Variants in TENM2 observed in about 807,000 individuals in gnomAD.
TENM2 encodes the protein teneurin transmembrane protein 2, also known as teneurin-2.
A neutral mutation model predicts 245.2 loss-of-function variants in TENM2; 52 were observed. The ratio of observed to expected loss-of-function variants is 0.21; its 90% CI spans 0.17 to 0.27. TENM2 has a LOEUF of 0.27. Ranked by LOEUF, TENM2 falls within the 10% of genes least tolerant of loss-of-function variation. The pLI, the probability that TENM2 is intolerant of heterozygous loss-of-function variation, is 1.00. For synonymous variants in TENM2, 1,363 were observed against 1,438.9 expected, an observed-to-expected ratio of 0.95 and a Z score of 1.19; for missense variants, 3,046 against 3,666.8, an observed-to-expected ratio of 0.83 and a Z score of 4.37.
At chr5:167,319,306 G>A (rs989339142) in intron 1 of TENM2, among the ~76,000 whole-genome samples, 2 of 151,974 alleles carry the variant, frequency 1.3e-5, no homozygotes, top group South Asian at 2.1e-4. Flanking sequence ...CAGGGTTTTC[G>A]TTTTTGTTTT....
At position 167,858,842 on chromosome 5, in the gene TENM2, GGACGGGCCC is replaced by G. The variant is rs1177724335; in HGVS notation, c.503-17143_503-17135del. Among the ~76,000 whole-genome samples the G allele has an allele frequency of 3.5e-5, 5 of 144,838 alleles. No homozygotes were observed. In the South Asian group the frequency reaches 1.1e-3, roughly 32 times the overall value. On this transcript the variant is annotated intron_variant, in intron 2 of 28. Transcript: ENST00000518659. ...CCCGGGAGGCAGCGGCTGGAGGAGC[GGACGGGCCC>G]CGCGGGGCCCGAGGGCAAGGAGCAG...
chr5:167,176,169 C>A, the TENM2 span, among the ~76,000 whole-genome samples: 1 of 152,206 alleles, frequency 6.6e-6, no homozygotes, highest in African/African-American at 2.4e-5. Context: ...CCTATTCTTT[C>A]AAGCTGATCT....
chr5:168,251,469 G>A (rs538850266), intron 27 of TENM2, among the ~76,000 whole-genome samples: 42 of 152,260 alleles, frequency 2.8e-4, no homozygotes, highest in Admixed American at 5.2e-4. Flanking sequence ...TCAGAGAAGC[G>A]GCGTGCACAG....
the TENM2 span, among the ~76,000 whole-genome samples, chr5:167,222,098 C>G: frequency 3.3e-5 from 5 of 152,044 alleles, no homozygotes; most frequent in African/African-American, 1.2e-4. Context: ...AAAAATTGGC[C>G]CAGCTGAAAG....
At chr5:168,144,079 G>A (rs909370147) in intron 12 of TENM2, among the ~76,000 whole-genome samples, 2 of 150,582 alleles carry the variant, frequency 1.3e-5, no homozygotes, top group East Asian at 2.0e-4. Context: ...GGCTGGTATT[G>A]AACTTCCAAC....
At chr5:168,009,984 A>G (rs1196343038) in intron 5 of TENM2, among the ~76,000 whole-genome samples, 1 of 152,166 alleles carries the variant, frequency 6.6e-6, no homozygotes, top group Non-Finnish European at 1.5e-5. Flanking sequence ...TTCAGCCCAC[A>G]AGAGAGGCAA....
chr5:167,443,945 A>T (rs1765009188), intron 2 of TENM2, among the ~76,000 whole-genome samples: 5 of 152,104 alleles, frequency 3.3e-5, no homozygotes, highest in Admixed American at 3.3e-4. Context: ...CTGTTTTTTT[A>T]TCCCAGTAAG....
chr5:167,404,496 C>G (rs1006401322), intron 2 of TENM2, among the ~76,000 whole-genome samples: 1 of 152,066 alleles, frequency 6.6e-6, no homozygotes, highest in African/African-American at 2.4e-5. Context: ...GTGTAGCCCA[C>G]TGGGGAGAGA....
At chr5:167,541,055 A>G (rs1772176003) in intron 2 of TENM2, among the ~76,000 whole-genome samples, 2 of 152,194 alleles carry the variant, frequency 1.3e-5, no homozygotes, top group African/African-American at 4.8e-5. Flanking sequence ...CATGAATAAG[A>G]TGGAAAGGGG....
upstream of TENM2, among the ~76,000 whole-genome samples, chr5:167,280,451 AGT>A: frequency 1.3e-5 from 2 of 152,222 alleles, no homozygotes; most frequent in Admixed American, 6.5e-5. Flanking sequence ...AGGGGCTGAA[AGT>A]CCTGGCTCTC....
At chr5:168,178,258 G>A (rs1277915187) in intron 13 of TENM2, among the ~76,000 whole-genome samples, 1 of 152,224 alleles carries the variant, frequency 6.6e-6, no homozygotes, top group Non-Finnish European at 1.5e-5. Context: ...GGCCTCGGCT[G>A]CACTGGCCGT....
chr5:167,762,694 C>G (rs1388027780), intron 2 of TENM2, among the ~76,000 whole-genome samples: 2 of 152,248 alleles, frequency 1.3e-5, no homozygotes, highest in African/African-American at 4.8e-5. Context: ...CTTACTCAAT[C>G]TATTATAAAG....
At chr5:168,046,675 G>A (rs1027527026) in intron 5 of TENM2, among the ~76,000 whole-genome samples, 1 of 152,098 alleles carries the variant, frequency 6.6e-6, no homozygotes, top group Non-Finnish European at 1.5e-5. Flanking sequence ...CAAAGAACAG[G>A]CAGTATTTCA....
In TENM2 at chr5:167,287,736, G is replaced by A. The variant is rs546230663; in HGVS notation, c.226+2673G>A. ...CCCATCTTTGCTTGCTTTCAACACA[G>A]AATCCTCCTCTGCCTTCTTCTATTG... On this transcript the variant is annotated intron_variant, in intron 1 of 28. Transcript: ENST00000518659. 4 of 152,324 alleles carry A rather than the reference G, an allele frequency of 2.6e-5. No individual in the cohort carries two copies. In the East Asian group the frequency reaches 7.7e-4, roughly 29 times the overall value. The allele number at this position is 152,324 out of a possible 1,614,324, so 9.4% of individuals were successfully genotyped here. A position where few individuals can be genotyped will look rare whatever the true frequency, so the allele number is the denominator to read the frequency against.
chr5:167,574,848 T>C (rs912690731), intron 2 of TENM2, among the ~76,000 whole-genome samples: 3 of 152,148 alleles, frequency 2.0e-5, no homozygotes, highest in African/African-American at 7.2e-5. Context: ...TTTAGAAATA[T>C]GTCCCTTTTG....
At chr5:167,211,714 C>T in the TENM2 span, among the ~76,000 whole-genome samples, 1 of 152,048 alleles carries the variant, frequency 6.6e-6, no homozygotes, top group Non-Finnish European at 1.5e-5. Context: ...TTGGTAGCCC[C>T]AGGCATTGAC....
At chr5:167,574,788 C>T (rs894197254) in intron 2 of TENM2, among the ~76,000 whole-genome samples, 2 of 152,232 alleles carry the variant, frequency 1.3e-5, no homozygotes, top group African/African-American at 4.8e-5. Flanking sequence ...CGGAACTTTG[C>T]ATCAGGATCC....
intron 2 of TENM2, among the ~76,000 whole-genome samples, chr5:167,465,079 C>T (rs1368727141): frequency 1.3e-5 from 2 of 152,222 alleles, no homozygotes; most frequent in Non-Finnish European, 2.9e-5. Context: ...TGGATATTCA[C>T]ACATTACTAG....
chr5:167,016,216 T>C, the TENM2 span, among the ~76,000 whole-genome samples: 1 of 137,812 alleles, frequency 7.3e-6, no homozygotes, highest in Non-Finnish European at 1.5e-5. Context: ...ATGGGGCCAC[T>C]ACATTCCAGC....
Sources: gnomAD v4.1 joint callset for allele counts (sites outside exome capture counted in the v4.1 genomes callset) on GRCh38, gnomAD v4.1.1 for gene constraint, MANE v1.5 for transcripts, NCBI Gene and HGNC (gene_info 2026-07-23, HGNC 2026-07-21) for gene names.